SLCO2B1: variants seen among roughly 807,000 people sequenced by gnomAD.
SLCO2B1 encodes solute carrier organic anion transporter family member 2B1.
In SLCO2B1, 41 loss-of-function variants were observed where a neutral mutation model predicts 67.3. The ratio of observed to expected loss-of-function variants is 0.61; its 90% CI spans 0.47 to 0.79. The LOEUF (loss-of-function observed/expected upper bound fraction) is 0.79. SLCO2B1 is among the 30% of genes least tolerant of loss of function. The pLI, the probability that SLCO2B1 is intolerant of heterozygous loss-of-function variation, is 0.00. For synonymous variants in SLCO2B1, 379 were observed against 381.4 expected, an observed-to-expected ratio of 0.99 and a Z score of 0.07; for missense variants, 837 against 920.1, an observed-to-expected ratio of 0.91 and a Z score of 1.17.
At chr11:75,153,558 G>A (rs776232486) in intron 1 of SLCO2B1, among the ~76,000 whole-genome samples, 86 of 152,318 alleles carry the variant, frequency 5.6e-4, no homozygotes, top group Admixed American at 1.2e-3. Flanking sequence ...CTTCCTCTCC[G>A]TGCCATTGCC....
In SLCO2B1 at chr11:75,164,004, CAT is replaced by C; in HGVS notation, c.190_191del (p.Met64AspfsTer86). The C allele has an allele frequency of 6.2e-7, 1 of 1,605,500 alleles. No individual in the cohort carries two copies. The highest frequency in any genetic ancestry group is 8.5e-7 in the Non-Finnish European group (1 of 1,176,160). ...ACAGCCTGCTGCAGCTGGCGCAGCT[CAT>C]GATCTCCGGCTACCTAAAGAGCTCC... ...CHSLLQLAQLMISGYLKSSIS... is the reference protein window; with the variant it reads ...CHSLLQLAQLXISGYLKSSIS... On this transcript the variant is annotated frameshift_variant, in exon 3 of 14. Coordinates refer to ENST00000289575, the MANE Select transcript of SLCO2B1 (RefSeq NM_007256.5). LOFTEE classifies it high-confidence loss of function.
chr11:75,172,945 AC>A (rs1444181646), intron 7 of SLCO2B1, among the ~76,000 whole-genome samples: 1 of 149,862 alleles, frequency 6.7e-6, no homozygotes, highest in African/African-American at 2.5e-5. Flanking sequence ...AAAAAAAATT[AC>A]ACTGCATCCC....
intron 7 of SLCO2B1, among the ~76,000 whole-genome samples, chr11:75,179,830 G>A (rs993121878): frequency 1.8e-4 from 28 of 151,528 alleles, no homozygotes; most frequent in South Asian, 1.3e-3. Flanking sequence ...TCCACCTCCC[G>A]AGTTAAAGCA....
intron 7 of SLCO2B1, among the ~76,000 whole-genome samples, chr11:75,176,996 T>C (rs2140321035): frequency 6.6e-6 from 1 of 152,234 alleles, no homozygotes; most frequent in South Asian, 2.1e-4. Flanking sequence ...GAGGAAGGGC[T>C]CCCCTAGACC....
chr11:75,162,656 G>A lies in SLCO2B1; in HGVS notation c.18G>A (p.Gly6=). 1.2e-6 allele frequency: 2 copies of A among 1,613,194 alleles called. No homozygotes were observed. The highest frequency in any genetic ancestry group is 8.5e-7 in the Non-Finnish European group (1 of 1,179,624). The change falls in exon 2 of 14, where the codon GGG becomes GGA. Residue 6 remains glycine (G), a splice_region_variant and synonymous_variant. Coordinates refer to ENST00000289575, the MANE Select transcript of SLCO2B1 (RefSeq NM_007256.5). ...TTTCCCTGGTTTTCTGTCCCTCAGG[G>A]CCAGCGGGTGAGGTACCCCAGGTAC... MGPRI[G]PAGEVPQVPD...
At chr11:75,166,533 C>A (rs1229062202) in intron 4 of SLCO2B1, among the ~76,000 whole-genome samples, 2 of 152,126 alleles carry the variant, frequency 1.3e-5, no homozygotes, top group Non-Finnish European at 2.9e-5. Context: ...TGATCGTTCA[C>A]TTTATTCCTT....
Position 75,202,883 on chromosome 11 carries a change from C to T in SLCO2B1, c.1764-18C>T, listed in dbSNP as rs764327119. 2 of 1,612,768 alleles carry T rather than the reference C, an allele frequency of 1.2e-6. No homozygotes were observed. Among genetic ancestry groups the T allele is most frequent in the African/African-American group, 1.3e-5 (1 of 74,892 alleles). ...GGAACCCCTCCAACCTCATGTTGCC[C>T]ATGTCTCTGCTTGTTAGAGGAGTGA... On this transcript the variant is annotated intron_variant, in intron 11 of 13. Coordinates refer to ENST00000289575, the MANE Select transcript of SLCO2B1 (RefSeq NM_007256.5).
intron 10 of SLCO2B1, 33 bp downstream of exon 10, chr11:75,196,712 C>T (rs534117279): frequency 6.3e-7 from 1 of 1,599,006 alleles, no homozygotes; most frequent in East Asian, 2.2e-5. Context: ...ACCTCTGCCC[C>T]TCAGGACTCT....
At chr11:75,182,773 G>A (rs1005787838) in intron 7 of SLCO2B1, among the ~76,000 whole-genome samples, 10 of 151,996 alleles carry the variant, frequency 6.6e-5, no homozygotes, top group African/African-American at 2.2e-4. Flanking sequence ...GACCAAATAG[G>A]AATGTACACG....
intron 4 of SLCO2B1, among the ~76,000 whole-genome samples, chr11:75,168,873 C>T (rs1408501331): frequency 1.3e-5 from 2 of 152,208 alleles, no homozygotes; most frequent in South Asian, 4.1e-4. Flanking sequence ...CAGGGGCCAC[C>T]GTTGCTATGG....
chr11:75,166,717 G>T (rs1219804757), intron 4 of SLCO2B1, among the ~76,000 whole-genome samples: 1 of 152,222 alleles, frequency 6.6e-6, no homozygotes, highest in Non-Finnish European at 1.5e-5. Flanking sequence ...TCGTGCCTGA[G>T]CCTCTCAGGG....
At chr11:75,185,441 G>A (rs1950138062) in intron 7 of SLCO2B1, among the ~76,000 whole-genome samples, 1 of 151,856 alleles carries the variant, frequency 6.6e-6, no homozygotes, top group Non-Finnish European at 1.5e-5. Flanking sequence ...TAGTTACAGG[G>A]AGCTCGCTTC....
chr11:75,167,536 G>A (rs768502046), intron 4 of SLCO2B1, among the ~76,000 whole-genome samples: 2 of 152,146 alleles, frequency 1.3e-5, no homozygotes, highest in African/African-American at 2.4e-5. Flanking sequence ...GACTCTCCAG[G>A]CTATTCCACT....
At chr11:75,164,286 C>A (rs1389549283) in intron 3 of SLCO2B1, among the ~76,000 whole-genome samples, 186 bp downstream of exon 3, 1 of 152,138 alleles carries the variant, frequency 6.6e-6, no homozygotes, top group Non-Finnish European at 1.5e-5. Flanking sequence ...TTGGACTTGG[C>A]TGTCTCCCCT....
At chr11:75,155,136 C>CAG (rs1949732410) in intron 1 of SLCO2B1, among the ~76,000 whole-genome samples, 2 of 152,084 alleles carry the variant, frequency 1.3e-5, no homozygotes, top group African/African-American at 4.8e-5. Flanking sequence ...GCAAACCTGC[C>CAG]AGATCTCCTT....
chr11:75,186,272 G>A (rs1003479466), intron 7 of SLCO2B1, among the ~76,000 whole-genome samples: 4 of 151,226 alleles, frequency 2.6e-5, no homozygotes, highest in Admixed American at 2.0e-4. Flanking sequence ...GCAGTGGTAC[G>A]ATCTCAGCTC....
chr11:75,199,972 C>T (rs1339074303), intron 10 of SLCO2B1: 3 of 506,618 alleles, frequency 5.9e-6, no homozygotes, highest in East Asian at 3.4e-5. Flanking sequence ...TTCTTCTCTA[C>T]TTTCTCTCTG....
intron 7 of SLCO2B1, among the ~76,000 whole-genome samples, chr11:75,175,870 G>C (rs1309883332): frequency 6.6e-6 from 1 of 152,198 alleles, no homozygotes; most frequent in Non-Finnish European, 1.5e-5. Flanking sequence ...TTCTCTGCCT[G>C]GGGGGCAGGG....
chr11:75,171,592 T>G (rs1270601237), intron 6 of SLCO2B1, among the ~76,000 whole-genome samples: 1 of 152,142 alleles, frequency 6.6e-6, no homozygotes, highest in East Asian at 1.9e-4. Context: ...TTGGATGCTG[T>G]GGAAATTGAA....
Sources: gnomAD v4.1 joint callset for allele counts (sites outside exome capture counted in the v4.1 genomes callset) on GRCh38, gnomAD v4.1.1 for gene constraint, MANE v1.5 for transcripts, NCBI Gene and HGNC (gene_info 2026-07-23, HGNC 2026-07-21) for gene names.